The following TMEM178B variants were observed in gnomAD, a reference collection of about 807,000 sequenced individuals.
The protein encoded by TMEM178B is transmembrane protein 178B.
In TMEM178B, 5 loss-of-function variants were observed where a neutral mutation model predicts 31.0. The ratio of observed to expected loss-of-function variants is 0.16; its 90% CI spans 0.08 to 0.34. The LOEUF is 0.34. TMEM178B is among the 10% of genes least tolerant of loss of function. The probability of loss-of-function intolerance (pLI) is 1.00; values close to 1 mark genes in which losing one functional copy is unlikely to be tolerated. For missense variants in TMEM178B, 275 were observed against 400.3 expected, an observed-to-expected ratio of 0.69 and a Z score of 2.67; for synonymous variants, 164 against 164.0, an observed-to-expected ratio of 1.00 and a Z score of 0.00.
intron 1 of TMEM178B, among the ~76,000 whole-genome samples, chr7:141,150,969 A>T (rs1287972172): frequency 6.6e-6 from 1 of 152,240 alleles, no homozygotes; most frequent in Non-Finnish European, 1.5e-5. Flanking sequence ...GAAAATCCAA[A>T]AGGTCACGAA....
At chr7:141,242,033 T>C (rs940453683) in intron 2 of TMEM178B, among the ~76,000 whole-genome samples, 1 of 152,208 alleles carries the variant, frequency 6.6e-6, no homozygotes, top group African/African-American at 2.4e-5. Context: ...CAATTGAAAA[T>C]GTGAATGCAC....
intron 2 of TMEM178B, among the ~76,000 whole-genome samples, chr7:141,419,446 C>G (rs1361635787): frequency 6.6e-6 from 1 of 152,114 alleles, no homozygotes; most frequent in East Asian, 1.9e-4. Flanking sequence ...TTTACTATCC[C>G]CTGAATTCAG....
rs529899648 is a variant in TMEM178B at position 141,268,294 on chromosome 7, G to A, written c.496+55590G>A. On this transcript the variant is annotated intron_variant, in intron 2 of 3. Transcript: ENST00000565468. ...GCATCAAATTTATGGTGAAACTTGA[G>A]CGGAAGAATAGTGAAATCATTGATG... Among the ~76,000 whole-genome samples, 10 of 152,296 alleles carry A rather than the reference G, an allele frequency of 6.6e-5. No homozygotes were observed. In the South Asian group the frequency reaches 1.0e-3, roughly 16 times the overall value.
chr7:141,167,165 C>T (rs921292815), intron 1 of TMEM178B, among the ~76,000 whole-genome samples: 4 of 152,164 alleles, frequency 2.6e-5, no homozygotes, highest in African/African-American at 7.2e-5. Flanking sequence ...CTGCTCTGGG[C>T]TCTTTGCTTT....
Position 141,470,785 on chromosome 7 carries a change from A to G in TMEM178B, c.884A>G (p.Ter295=). 6.7e-7 allele frequency: 1 copy of G among 1,485,422 alleles called. No homozygotes were observed. Among genetic ancestry groups the G allele is most frequent in the Non-Finnish European group, 8.9e-7 (1 of 1,123,062 alleles). 92.0% of individuals were successfully genotyped at this position (1,485,422 alleles called of 1,614,324 possible). A position where few individuals can be genotyped will look rare whatever the true frequency, so the allele number is the denominator to read the frequency against. Reference sequence around the variant, plus strand: ...AGACCCGAGAATGGGACAGTGTGCTAAAAAACAAACCCATACATACATATA... The same window carrying G: ...AGACCCGAGAATGGGACAGTGTGCTGAAAAACAAACCCATACATACATATA... ...KSRPENGTVC[*] The change falls in exon 4 of 4, where the codon TAA becomes TGA. Residue 295 remains the stop codon, a stop_retained_variant. Coordinates refer to ENST00000565468, the MANE Select transcript of TMEM178B (RefSeq NM_001195278.2).
intron 3 of TMEM178B, among the ~76,000 whole-genome samples, chr7:141,457,933 T>C (rs1586974037): frequency 6.6e-6 from 1 of 152,148 alleles, no homozygotes; most frequent in African/African-American, 2.4e-5. Flanking sequence ...ATTTTATAGG[T>C]ATAAAACTTA....
intron 2 of TMEM178B, among the ~76,000 whole-genome samples, chr7:141,356,538 T>G (rs1015887254): frequency 6.6e-6 from 1 of 151,870 alleles, no homozygotes; most frequent in Non-Finnish European, 1.5e-5. Context: ...AATCTGTTCA[T>G]GTCTTTTGCT....
At chr7:141,321,826 T>C (rs2366084) in intron 2 of TMEM178B, among the ~76,000 whole-genome samples, 91 of 145,830 alleles carry the variant, frequency 6.2e-4, no homozygotes, top group African/African-American at 9.4e-4. Flanking sequence ...TGTCCAACAT[T>C]AAAAAAAAAA....
rs138774284 is a variant in TMEM178B, at chr7:141,177,103, C to T, written c.383-35488C>T. On this transcript the variant is annotated intron_variant, in intron 1 of 3. Coordinates refer to ENST00000565468, the MANE Select transcript of TMEM178B (RefSeq NM_001195278.2). Reference sequence around the variant, plus strand: ...TGGGCATTTAGTGCTATAAAATTCCCTCTACACACTGCTTTAAATGTGTCC... The same window carrying T: ...TGGGCATTTAGTGCTATAAAATTCCTTCTACACACTGCTTTAAATGTGTCC... 5.4e-3 allele frequency among the ~76,000 whole-genome samples: 829 copies of T among 152,236 alleles called. 6 individuals are homozygous for T. The highest frequency in any genetic ancestry group is 0.02 in the Middle Eastern group (6 of 294).
rs1017210783 is a variant in TMEM178B at position 141,473,997 on chromosome 7, C to A, written c.*3211C>A. 1 of 152,176 alleles carries A rather than the reference C, an allele frequency of 6.6e-6. No homozygotes were observed. Among genetic ancestry groups the A allele is most frequent in the African/African-American group, 2.4e-5 (1 of 41,440 alleles). The allele number at this position is 152,176 out of a possible 1,614,324, so 9.4% of individuals were successfully genotyped here. A position where few individuals can be genotyped will look rare whatever the true frequency, so the allele number is the denominator to read the frequency against. ...CTCTGTAGGTCAGACTCTGCTAACTCCAAATCAAAGTGGAACCCAACCTTA... is the reference window on the plus strand; with the variant it reads ...CTCTGTAGGTCAGACTCTGCTAACTACAAATCAAAGTGGAACCCAACCTTA... On this transcript the variant is annotated 3_prime_UTR_variant, in exon 4 of 4. Coordinates refer to ENST00000565468, the MANE Select transcript of TMEM178B (RefSeq NM_001195278.2).
At chr7:141,237,794 C>T (rs548696892) in intron 2 of TMEM178B, among the ~76,000 whole-genome samples, 2 of 152,192 alleles carry the variant, frequency 1.3e-5, no homozygotes, top group East Asian at 1.9e-4. Context: ...GAGGCTGAGG[C>T]GGGCAGATCA....
chr7:141,502,659 A>C, the TMEM178B span, among the ~76,000 whole-genome samples: 1 of 152,106 alleles, frequency 6.6e-6, no homozygotes, highest in Non-Finnish European at 1.5e-5. Flanking sequence ...AATCCCAGCT[A>C]TTCGGGAGGC....
intron 2 of TMEM178B, among the ~76,000 whole-genome samples, chr7:141,273,072 C>T (rs911481215): frequency 2.6e-5 from 4 of 152,154 alleles, no homozygotes; most frequent in Admixed American, 1.3e-4. Context: ...CTGCTGTTTG[C>T]AACAACATGT....
intron 2 of TMEM178B, among the ~76,000 whole-genome samples, chr7:141,308,157 G>A (rs1292824783): frequency 1.3e-5 from 2 of 152,176 alleles, no homozygotes; most frequent in Admixed American, 1.3e-4. Flanking sequence ...ATAAATGTCA[G>A]GGGCAGAAAC....
intron 2 of TMEM178B, among the ~76,000 whole-genome samples, chr7:141,296,305 T>A (rs986498086): frequency 6.6e-6 from 1 of 152,154 alleles, no homozygotes; most frequent in African/African-American, 2.4e-5. Context: ...CAACCTCAAG[T>A]GATCCACCTG....
intron 2 of TMEM178B, among the ~76,000 whole-genome samples, chr7:141,308,086 T>C (rs1338781348): frequency 3.3e-5 from 5 of 152,204 alleles, no homozygotes; most frequent in Admixed American, 6.5e-5. Context: ...TTGTATCCCC[T>C]TTTGAAGATG....
At chr7:141,300,113 A>G (rs1364344754) in intron 2 of TMEM178B, among the ~76,000 whole-genome samples, 1 of 152,124 alleles carries the variant, frequency 6.6e-6, no homozygotes, top group East Asian at 1.9e-4. Context: ...TTCAATGTCA[A>G]CATTGAACAT....
At chr7:141,451,735 A>T (rs1314548572) in intron 3 of TMEM178B, among the ~76,000 whole-genome samples, 1 of 152,202 alleles carries the variant, frequency 6.6e-6, no homozygotes, top group Non-Finnish European at 1.5e-5. Context: ...CTTTAGCTGG[A>T]TATATGAACA....
Position 141,444,846 on chromosome 7 carries a change from G to A in TMEM178B, c.634+7101G>A, listed in dbSNP as rs530045491. Among the ~76,000 whole-genome samples, 11 of 151,976 alleles carry A rather than the reference G, an allele frequency of 7.2e-5. No homozygotes were observed. The South Asian group carries it at 8.3e-4, about 12-fold the overall frequency. On this transcript the variant is annotated intron_variant, in intron 3 of 3. Coordinates refer to ENST00000565468, the MANE Select transcript of TMEM178B (RefSeq NM_001195278.2). ...TTCAACCCCGTGTTGAAGAAGCAGGGGCCCCACAGCCCCTGCTTCTTCCCA... is the reference window on the plus strand; with the variant it reads ...TTCAACCCCGTGTTGAAGAAGCAGGAGCCCCACAGCCCCTGCTTCTTCCCA...
Sources: allele counts gnomAD v4.1 joint callset (sites outside exome capture counted in the v4.1 genomes callset), GRCh38; gene constraint gnomAD v4.1.1; transcripts MANE v1.5; gene names NCBI Gene and HGNC (gene_info 2026-07-23, HGNC 2026-07-21).